The following TTN variants were observed in gnomAD, a reference collection of about 807,000 sequenced individuals.
TTN encodes the protein connectin.
A neutral mutation model predicts 3,223.0 loss-of-function variants in TTN; 1,525 were observed. That is an observed-to-expected ratio of 0.47 (90% CI 0.45 to 0.49). The LOEUF is 0.49. Among genes scored for constraint, TTN ranks in the 20% least tolerant of loss-of-function variants. The pLI, the probability that TTN is intolerant of heterozygous loss-of-function variation, is 0.00. For missense variants in TTN, 40,786 were observed against 43,424.0 expected, an observed-to-expected ratio of 0.94 and a Z score of 5.40; for synonymous variants, 14,094 against 15,161.0, an observed-to-expected ratio of 0.93 and a Z score of 5.17.
At chr2:178,703,617 C>A (rs1053368855) in intron 106 of TTN, among the ~76,000 whole-genome samples, 2 of 152,120 alleles carry the variant, frequency 1.3e-5, no homozygotes, top group African/African-American at 4.8e-5. Flanking sequence ...GTTGTTACTC[C>A]TAAATTCTGA....
At position 178,685,296 on chromosome 2, in the gene TTN, T is replaced by C. The variant is rs1421739184; in HGVS notation, c.32427A>G (p.Lys10809=). ...TERQEKKIVL[K]PKIPAKIEEP... is the part of the protein sequence containing the mutation. The stretch of plus-strand genomic sequence containing the variant: ...CCTCTATTTTAGCAGGAATTTTTGG[T>C]TTCAGTACAATTTTCTTCTCCTGCC... Residue 10809 remains lysine, a synonymous_variant, in exon 129 of 363, where the codon AAA becomes AAG. Transcript: ENST00000589042. The C allele has an allele frequency of 2.6e-6, 4 of 1,552,604 alleles. No individual in the cohort carries two copies. In the African/African-American group the frequency reaches 5.5e-5, roughly 21 times the overall value.
rs143578117 is a variant in TTN, at chr2:178,774,394, T to G, written c.6870A>C (p.Val2290=). 1.2e-6 allele frequency: 2 copies of G among 1,614,044 alleles called. No homozygotes were observed. Among genetic ancestry groups the G allele is most frequent in the Non-Finnish European group, 1.7e-6 (2 of 1,179,946 alleles). The change falls in exon 30 of 363, where the codon GTA becomes GTC. Residue 2290 remains valine (V), a synonymous_variant. Transcript: ENST00000589042. ...ESYSGELECI[V]SPENIEGKWY... is the part of the protein sequence containing the mutation. ...ATTTTCCTTCTATATTTTCTGGGGA[T>G]ACAATGCACTCTAATTCTCCTGAAT...
rs752677873 is a variant in TTN at position 178,768,163 on chromosome 2, AT to A, written c.9164-9del. The A allele has an allele frequency of 4.3e-6, 7 of 1,613,900 alleles. No individual in the cohort carries two copies. The highest frequency in any genetic ancestry group is 4.2e-6 in the Non-Finnish European group (5 of 1,179,964). On this transcript the variant is annotated splice_polypyrimidine_tract_variant and intron_variant, in intron 38 of 362. Transcript: ENST00000589042. ...TAAATTCTATATGACGAGCTGGAAA[AT>A]AGCATGTAGAAAAATTAACATTTTT...
rs748882880 is a variant in TTN, at chr2:178,682,830, T to C, written c.32961A>G (p.Glu10987=). 2 of 1,613,006 alleles carry C rather than the reference T, an allele frequency of 1.2e-6. No individual in the cohort carries two copies. Among genetic ancestry groups the C allele is most frequent in the East Asian group, 4.5e-5 (2 of 44,836 alleles). Residue 10987 remains glutamate, a synonymous_variant, in exon 135 of 363, where the codon GAA becomes GAG. Coordinates refer to ENST00000589042, the MANE Select transcript of TTN (RefSeq NM_001267550.2). ...EEEAVSVQRE[E]EYEEYEEYDY... is the part of the protein sequence containing the mutation. ...CATATTCTTCATATTCCTCATATTC[T>C]TCTTCCCGTTGTACTGAAACAGCTT...
In TTN at chr2:178,607,332, C is replaced by A. The variant is rs72646810; in HGVS notation, c.53288-18G>T. The stretch of plus-strand genomic sequence containing the variant: ...AGGGACATCTGAAAACAAAACAAAG[C>A]CAAAAATCAATGTAATAAGATAGTA... On this transcript the variant is annotated intron_variant, in intron 277 of 362. Coordinates refer to ENST00000589042, the MANE Select transcript of TTN (RefSeq NM_001267550.2). The A allele has an allele frequency of 1.0e-3, 1,632 of 1,611,588 alleles. 18 individuals are homozygous for A. In the African/African-American group the frequency reaches 0.02, roughly 19 times the overall value.
At chr2:178,697,755 A>T (rs768179884) in intron 112 of TTN, among the ~76,000 whole-genome samples, 1 of 152,174 alleles carries the variant, frequency 6.6e-6, no homozygotes, top group Non-Finnish European at 1.5e-5. Flanking sequence ...ATCTTCGAGG[A>T]TATATTGAAA....
At position 178,543,238 on chromosome 2, in the gene TTN, G is replaced by A. The variant is rs1327308179; in HGVS notation, c.96735C>T (p.Gly32245=). The A allele has an allele frequency of 1.4e-5, 22 of 1,613,668 alleles. No individual in the cohort carries two copies. Among genetic ancestry groups the A allele is most frequent in the Non-Finnish European group, 1.9e-5 (22 of 1,179,772 alleles). ...TGYVLEACKA[G]TERWMKVVTL... is the part of the protein sequence containing the mutation. ...TGACAACCTTCATCCATCTCTCTGT[G>A]CCAGCTTTGCAGGCCTCGAGAACAT... Residue 32245 remains glycine, a synonymous_variant, in exon 347 of 363, where the codon GGC becomes GGT. Coordinates refer to ENST00000589042, the MANE Select transcript of TTN (RefSeq NM_001267550.2).
chr2:178,608,061 G>A lies in TTN; in HGVS notation c.52726C>T (p.Pro17576Ser). 4.3e-6 allele frequency: 7 copies of A among 1,612,390 alleles called. No homozygotes were observed. Among genetic ancestry groups the A allele is most frequent in the Non-Finnish European group, 5.9e-6 (7 of 1,179,156 alleles). Residue 17576 changes from proline to serine, a missense_variant, in exon 276 of 363, where the codon CCA (proline) becomes TCA (serine). Pro to Ser is a moderately conservative substitution (Grantham distance 74). Transcript: ENST00000589042. ...DPISPPGPPI[P>S]RVTDTSSTTI... ...GTAGAGCTTGTGTCAGTGACTCTTG[G>A]GATAGGTGGCCCAGGAGGAGCTAGA...
rs377074955 is a variant in TTN at position 178,715,070 on chromosome 2, C to T, written c.26116G>A (p.Asp8706Asn). Residue 8706 changes from aspartate to asparagine, a missense_variant, in exon 90 of 363, where the codon GAT becomes AAT. Coordinates refer to ENST00000589042, the MANE Select transcript of TTN (RefSeq NM_001267550.2). ...TGATATTCCCCAATGTCTGCAGCAT[C>T]GACATTCAGGATGTGGATACTGGTT... ...FLTSIHILNV[D>N]AADIGEYQCK... is the part of the protein sequence containing the mutation. The T allele has an allele frequency of 4.0e-5, 64 of 1,613,512 alleles. No homozygotes were observed. Among genetic ancestry groups the T allele is most frequent in the East Asian group, 1.6e-4 (7 of 44,876 alleles).
At chr2:178,761,017 G>C (rs189834612) in intron 43 of TTN, 2 of 152,310 alleles carry the variant, frequency 1.3e-5, no homozygotes, top group African/African-American at 4.8e-5. Context: ...CACAATAAGT[G>C]AGTTAACAGG....
Position 178,640,246 on chromosome 2 carries a change from G to C in TTN, c.40724-136C>G, listed in dbSNP as rs1239191035. On this transcript the variant is annotated intron_variant, in intron 221 of 362. Coordinates refer to ENST00000589042, the MANE Select transcript of TTN (RefSeq NM_001267550.2). Reference sequence around the variant, plus strand: ...CATATAATTATCAAATCAAGTATTTGATTAGTTTTCATTTTAAACAAAATA... The same window carrying C: ...CATATAATTATCAAATCAAGTATTTCATTAGTTTTCATTTTAAACAAAATA... The C allele has an allele frequency of 4.9e-6, 4 of 813,538 alleles. No individual in the cohort carries two copies. The African/African-American group carries it at 7.3e-5, about 15-fold the overall frequency. 50.4% of individuals were successfully genotyped at this position (813,538 alleles called of 1,614,324 possible). A position where few individuals can be genotyped will look rare whatever the true frequency, so the allele number is the denominator to read the frequency against.
chr2:178,560,135 G>A lies in TTN; in HGVS notation c.85997C>T (p.Thr28666Ile), dbSNP rs1703111112. The change falls in exon 326 of 363, where the codon ACA becomes ATA. Residue 28666 changes from threonine (T) to isoleucine (I), a missense_variant. By Grantham distance (89) the Thr-to-Ile change is moderately conservative. Coordinates refer to ENST00000589042, the MANE Select transcript of TTN (RefSeq NM_001267550.2). ...SKPKIVDSGK[T>I]TITIAWVKPL... The stretch of plus-strand genomic sequence containing the variant: ...CTTAACCCAGGCAATAGTTATAGTT[G>A]TCTTGCCTGAGTCCACAATTTTGGG... 1.2e-6 allele frequency: 2 copies of A among 1,613,652 alleles called. No individual in the cohort carries two copies. The highest frequency in any genetic ancestry group is 1.7e-5 in the Admixed American group (1 of 60,008).
chr2:178,709,241 CA>C (rs955237956), intron 99 of TTN, among the ~76,000 whole-genome samples: 18 of 151,978 alleles, frequency 1.2e-4, no homozygotes, highest in African/African-American at 4.3e-4. Context: ...AATTTCAAAA[CA>C]AATGTGCTTC....
At chr2:178,600,714 A>T (rs1420165753) in intron 288 of TTN, 140 bp downstream of exon 288, 2 of 948,420 alleles carry the variant, frequency 2.1e-6, no homozygotes, top group Admixed American at 3.8e-5. Context: ...ATGAGTAATT[A>T]AGTAATGTGC....
At chr2:178,614,009 C>T in intron 262 of TTN, 43 bp downstream of exon 262, 1 of 1,609,474 alleles carries the variant, frequency 6.2e-7, no homozygotes, top group East Asian at 2.2e-5. Context: ...GCAAGTTTGA[C>T]ATAAGCATCC....
At position 178,541,560 on chromosome 2, in the gene TTN, A is replaced by G; in HGVS notation, c.97517T>C (p.Leu32506Ser). 2 of 1,610,988 alleles carry G rather than the reference A, an allele frequency of 1.2e-6. No homozygotes were observed. Among genetic ancestry groups the G allele is most frequent in the Non-Finnish European group, 1.7e-6 (2 of 1,178,288 alleles). The change falls in exon 350 of 363, where the codon TTA (leucine) becomes TCA (serine). Residue 32506 changes from leucine (L) to serine (S), a missense_variant. Leu to Ser is a moderately radical substitution (Grantham distance 145, BLOSUM62 -2). Transcript: ENST00000589042. ...ATCACGGGAAACATCAAATATCTGT[A>G]ATGTTTCTGGGGGTCCAGGAATACC... Reference protein sequence around the residue: ...SIRIPGPPETLQIFDVSRDGM... With the variant: ...SIRIPGPPETSQIFDVSRDGM...
chr2:178,729,184 G>C lies in TTN; in HGVS notation c.18869-15C>G, dbSNP rs749315046. On this transcript the variant is annotated splice_polypyrimidine_tract_variant and intron_variant, in intron 64 of 362. Transcript: ENST00000589042. ...TGATGGTGGTTCTGTGATTAAATAA[G>C]AGAGTGTGAAAAGAAGAAACATATT... 1 of 1,558,402 alleles carries C rather than the reference G, an allele frequency of 6.4e-7. No individual in the cohort carries two copies. The highest frequency in any genetic ancestry group is 8.7e-7 in the Non-Finnish European group (1 of 1,154,294).
chr2:178,687,799 G>A (rs949186921), intron 127 of TTN, among the ~76,000 whole-genome samples: 21 of 152,184 alleles, frequency 1.4e-4, no homozygotes, highest in Non-Finnish European at 4.4e-5. Context: ...CTGAAGCCAA[G>A]TCCTGTTTAA....
At chr2:178,736,689 T>A (rs1037286745) in intron 49 of TTN, among the ~76,000 whole-genome samples, 1 of 152,192 alleles carries the variant, frequency 6.6e-6, no homozygotes, top group Middle Eastern at 3.2e-3. Context: ...TCCTTATCCT[T>A]TCCTCTTATT....
Sources: gnomAD v4.1 joint callset for allele counts (sites outside exome capture counted in the v4.1 genomes callset) on GRCh38, gnomAD v4.1.1 for gene constraint, MANE v1.5 for transcripts, NCBI Gene and HGNC (gene_info 2026-07-23, HGNC 2026-07-21) for gene names.